The following FAM210A variants were observed in gnomAD, a reference collection of about 807,000 sequenced individuals.
The protein encoded by FAM210A is family with sequence similarity 210 member A.
A neutral mutation model predicts 25.3 loss-of-function variants in FAM210A; 13 were observed. That is an observed-to-expected ratio of 0.51 (90% confidence interval 0.33 to 0.82). The LOEUF (loss-of-function observed/expected upper bound fraction) is 0.82. Ranked by LOEUF, FAM210A falls within the 40% of genes least tolerant of loss-of-function variation. The probability of loss-of-function intolerance (pLI) is 0.02; values close to 1 mark genes in which losing one functional copy is unlikely to be tolerated. For missense variants in FAM210A, 319 were observed against 323.2 expected (o/e 0.99, Z 0.10); for synonymous variants, 125 against 118.7 (o/e 1.05, Z -0.35).
At chr18:13,690,927 C>G (rs563936043) in intron 1 of FAM210A, among the ~76,000 whole-genome samples, 266 of 152,292 alleles carry the variant, frequency 1.7e-3, no homozygotes, top group Admixed American at 3.1e-3. Flanking sequence ...GAGAAGAAGG[C>G]TTCAGACGAT....
At chr18:13,707,740 C>T (rs745862619) in intron 1 of FAM210A, among the ~76,000 whole-genome samples, 14 of 152,220 alleles carry the variant, frequency 9.2e-5, no homozygotes, top group Non-Finnish European at 1.5e-4. Flanking sequence ...TAGGAGTGTG[C>T]GCCTGTAACA....
intron 1 of FAM210A, among the ~76,000 whole-genome samples, chr18:13,683,864 C>T (rs1251031693): frequency 1.3e-5 from 2 of 152,178 alleles, no homozygotes; most frequent in Non-Finnish European, 2.9e-5. Flanking sequence ...CCATCTTACA[C>T]GAATATTCTT....
intron 2 of FAM210A, among the ~76,000 whole-genome samples, chr18:13,676,075 T>C (rs1037512170): frequency 4.0e-5 from 6 of 149,354 alleles, no homozygotes; most frequent in African/African-American, 1.5e-4. Flanking sequence ...TGAGCCGTGG[T>C]GACTTCTTTA....
At chr18:13,679,531 A>T (rs1159188445) in intron 2 of FAM210A, among the ~76,000 whole-genome samples, 1 of 152,174 alleles carries the variant, frequency 6.6e-6, no homozygotes, top group Non-Finnish European at 1.5e-5. Flanking sequence ...ATTTTGAAGG[A>T]TCTAATAAAA....
At chr18:13,689,392 A>G (rs1323391024) in intron 1 of FAM210A, among the ~76,000 whole-genome samples, 3 of 152,222 alleles carry the variant, frequency 2.0e-5, no homozygotes, top group Non-Finnish European at 1.5e-5. Flanking sequence ...TCATATGATC[A>G]TATGAATTGG....
Position 13,663,565 on chromosome 18 carries a change from A to G in FAM210A, c.*2915T>C, listed in dbSNP as rs919779920. On this transcript the variant is annotated 3_prime_UTR_variant, in exon 4 of 4. Coordinates refer to ENST00000651643, the MANE Select transcript of FAM210A (RefSeq NM_152352.4). ...AATCCATCTTTCATTTCAAATATCA[A>G]TTTGCTTAGCAAACCCTTTTTGTGC... The G allele has an allele frequency of 2.0e-5, 3 of 152,000 alleles. No individual in the cohort carries two copies. The highest frequency in any genetic ancestry group is 2.9e-5 in the Non-Finnish European group (2 of 68,012). The allele number at this position is 152,000 out of a possible 1,614,324, so 9.4% of individuals were successfully genotyped here. A position where few individuals can be genotyped will look rare whatever the true frequency, so the allele number is the denominator to read the frequency against.
intron 1 of FAM210A, among the ~76,000 whole-genome samples, chr18:13,682,567 C>T (rs796208093): frequency 6.6e-5 from 10 of 152,088 alleles, no homozygotes; most frequent in African/African-American, 2.2e-4. Flanking sequence ...GACTCCAGCT[C>T]AGAAAAATAA....
intron 2 of FAM210A, among the ~76,000 whole-genome samples, chr18:13,681,161 A>G (rs903196049): frequency 1.3e-5 from 2 of 152,178 alleles, no homozygotes; most frequent in African/African-American, 2.4e-5. Context: ...CTGAAATTTG[A>G]TTATTTTATG....
At chr18:13,697,011 T>A (rs2149063558) in intron 1 of FAM210A, among the ~76,000 whole-genome samples, 1 of 152,348 alleles carries the variant, frequency 6.6e-6, no homozygotes, top group East Asian at 1.9e-4. Context: ...CATTTAGGTA[T>A]GTTTAGACAG....
intron 2 of FAM210A, among the ~76,000 whole-genome samples, chr18:13,678,145 G>A (rs994127827): frequency 6.6e-6 from 1 of 152,138 alleles, no homozygotes; most frequent in African/African-American, 2.4e-5. Flanking sequence ...TAGGCCAGGC[G>A]TGGTGTCAAG....
rs986820429 is a variant in FAM210A at position 13,679,172 on chromosome 18, G to A, written c.473+2433C>T. Among the ~76,000 whole-genome samples, 4 of 152,338 alleles carry A rather than the reference G, an allele frequency of 2.6e-5. No homozygotes were observed. In the East Asian group the frequency reaches 7.7e-4, roughly 29 times the overall value. On this transcript the variant is annotated intron_variant, in intron 2 of 3. Transcript: ENST00000651643. The stretch of plus-strand genomic sequence containing the variant: ...GATGCCTAGAAAGGCAGTAATGCGA[G>A]CTATCAGGGTAACCAAGACAAACAC...
intron 1 of FAM210A, among the ~76,000 whole-genome samples, chr18:13,692,213 A>G (rs2149061524): frequency 6.6e-6 from 1 of 152,190 alleles, no homozygotes; most frequent in East Asian, 1.9e-4. Context: ...TCCTAAATAT[A>G]TATGCACCCA....
Position 13,700,146 on chromosome 18 carries a change from C to G in FAM210A, c.-28-18041G>C, listed in dbSNP as rs540929690. ...TCAGTCCCACAAGACTACTCCTACTCCCCACTTCAGATGCAAATCACAAGT... is the reference window on the plus strand; with the variant it reads ...TCAGTCCCACAAGACTACTCCTACTGCCCACTTCAGATGCAAATCACAAGT... On this transcript the variant is annotated intron_variant, in intron 1 of 3. Coordinates refer to ENST00000651643, the MANE Select transcript of FAM210A (RefSeq NM_152352.4). Among the ~76,000 whole-genome samples the G allele has an allele frequency of 3.2e-4, 48 of 152,350 alleles. No homozygotes were observed. In the South Asian group the frequency reaches 9.1e-3, roughly 29 times the overall value.
intron 1 of FAM210A, among the ~76,000 whole-genome samples, chr18:13,691,704 A>G (rs1349129727): frequency 6.7e-6 from 1 of 149,790 alleles, no homozygotes; most frequent in Admixed American, 6.7e-5. Context: ...GCAAATGCTG[A>G]GAGATTTTGT....
chr18:13,682,938 G>C (rs2043568310), intron 1 of FAM210A, among the ~76,000 whole-genome samples: 1 of 152,128 alleles, frequency 6.6e-6, no homozygotes, highest in Non-Finnish European at 1.5e-5. Context: ...AACTAGTCCA[G>C]CTGACACCAT....
At chr18:13,722,610 C>A (rs1015936677) in intron 1 of FAM210A, among the ~76,000 whole-genome samples, 25 of 152,082 alleles carry the variant, frequency 1.6e-4, no homozygotes, top group Non-Finnish European at 5.9e-5. Flanking sequence ...TGTGCAGATC[C>A]CATTCCTTCC....
chr18:13,715,300 T>C (rs1166980352), intron 1 of FAM210A: 3 of 152,202 alleles, frequency 2.0e-5, no homozygotes, highest in Non-Finnish European at 4.4e-5. Context: ...TGATCAGCAC[T>C]GCACACTACA....
intron 1 of FAM210A, chr18:13,715,319 C>T (rs1452434412): frequency 6.6e-6 from 1 of 152,186 alleles, no homozygotes; most frequent in East Asian, 1.9e-4. Flanking sequence ...CAGCCCAGAA[C>T]TCCTGGGCTC....
rs1555788360 is a variant in FAM210A at position 13,665,409 on chromosome 18, C to CAAAAAAAAAAAAAAAAAAAAAAAAAAAA, written c.*1070_*1071insTTTTTTTTTTTTTTTTTTTTTTTTTTTT. The CAAAAAAAAAAAAAAAAAAAAAAAAAAAA allele has an allele frequency of 1.1e-5, 1 of 89,634 alleles. No individual in the cohort carries two copies. Among genetic ancestry groups the CAAAAAAAAAAAAAAAAAAAAAAAAAAAA allele is most frequent in the Non-Finnish European group, 2.6e-5 (1 of 38,904 alleles). The allele number at this position is 89,634 out of a possible 1,614,324, so 5.6% of individuals were successfully genotyped here. On this transcript the variant is annotated 3_prime_UTR_variant, in exon 4 of 4. Transcript: ENST00000651643. ...AAAAAAAAAAAAAAAAAAAAAAAAT[C>CAAAAAAAAAAAAAAAAAAAAAAAAAAAA]AAGTAGAATGCTCAAACAAGGATAT... is the stretch of plus-strand genomic sequence containing the variant.
Sources: allele counts gnomAD v4.1 joint callset (sites outside exome capture counted in the v4.1 genomes callset), GRCh38; gene constraint gnomAD v4.1.1; transcripts MANE v1.5; gene names NCBI Gene and HGNC (gene_info 2026-07-23, HGNC 2026-07-21).